ABCA3: variants seen among roughly 807,000 people sequenced by gnomAD.
The protein encoded by ABCA3 is phospholipid-transporting ATPase ABCA3.
A neutral mutation model predicts 172.8 loss-of-function variants in ABCA3; 88 were observed. The ratio of observed to expected loss-of-function variants is 0.51; its 90% CI spans 0.43 to 0.61. The LOEUF (loss-of-function observed/expected upper bound fraction) is 0.61, where lower values mean the gene tolerates loss of function less well. ABCA3 is among the 20% of genes least tolerant of loss of function. The pLI is 0.00. For synonymous variants in ABCA3, 1,066 were observed against 983.8 expected (o/e 1.08, Z -1.56); for missense variants, 2,164 against 2,301.0 (o/e 0.94, Z 1.22).
At position 2,308,427 on chromosome 16, in the gene ABCA3, G is replaced by C. The variant is rs373868493; in HGVS notation, c.1285+23C>G. On this transcript the variant is annotated intron_variant, in intron 11 of 32. Transcript: ENST00000301732. ...GAAGGTTACTGATTCGGAAAGAACA[G>C]GCTGGACAAGGCAAACACTCACCTT... The C allele has an allele frequency of 2.5e-5, 41 of 1,613,922 alleles. No individual in the cohort carries two copies. The African/African-American group carries it at 5.3e-4, about 21-fold the overall frequency.
At chr16:2,307,645 A>G (rs527529686) in intron 11 of ABCA3, among the ~76,000 whole-genome samples, 3 of 151,964 alleles carry the variant, frequency 2.0e-5, no homozygotes, top group Non-Finnish European at 2.9e-5. Context: ...GAGTCTTGTC[A>G]CCCAGGCTGG....
At chr16:2,340,353 G>A (rs916235873) in intron 1 of ABCA3, among the ~76,000 whole-genome samples, 3 of 151,928 alleles carry the variant, frequency 2.0e-5, no homozygotes, top group Non-Finnish European at 4.4e-5. Flanking sequence ...TGAGGGAGCG[G>A]CACCTGCAGG....
chr16:2,307,771 A>T (rs2093700170), intron 11 of ABCA3, among the ~76,000 whole-genome samples: 1 of 151,770 alleles, frequency 6.6e-6, no homozygotes, highest in Non-Finnish European at 1.5e-5. Flanking sequence ...ACGCCCGGCT[A>T]ATTTTTTGTG....
chr16:2,299,578 G>T (rs763017036), intron 13 of ABCA3, 46 bp from the exon 14 acceptor site: 1 of 1,608,632 alleles, frequency 6.2e-7, no homozygotes, highest in East Asian at 2.2e-5. Context: ...CAGCCCCGAG[G>T]CCCACGGCCA....
intron 1 of ABCA3, among the ~76,000 whole-genome samples, chr16:2,337,083 T>TA (rs2093753049): frequency 6.6e-6 from 1 of 151,614 alleles, no homozygotes; most frequent in East Asian, 1.9e-4. Context: ...TGGCTATTTT[T>TA]TTTTTTTTTT....
At chr16:2,323,368 C>T (rs1036240192) in intron 7 of ABCA3, 155 bp downstream of exon 7, 31 of 918,008 alleles carry the variant, frequency 3.4e-5, no homozygotes, top group Middle Eastern at 3.3e-4. Flanking sequence ...ATGTTTATTG[C>T]GGCACTATTC....
chr16:2,279,671 G>C lies in ABCA3; in HGVS notation c.4360-541C>G, dbSNP rs542177761. 2.0e-4 allele frequency among the ~76,000 whole-genome samples: 30 copies of C among 152,188 alleles called. No individual in the cohort carries two copies. The highest frequency in any genetic ancestry group is 3.8e-4 in the Non-Finnish European group (26 of 68,012). On this transcript the variant is annotated intron_variant, in intron 28 of 32. Coordinates refer to ENST00000301732, the MANE Select transcript of ABCA3 (RefSeq NM_001089.3). The surrounding 1 kb of genome is among the most constrained non-coding windows in gnomAD (Gnocchi z 4.4). ...AGCTGGTCGGGGGCAGGAGTGCCTG[G>C]GTTCTGTGGATTCCAGAGACTGGAT...
chr16:2,323,980 T>C (rs778036039), intron 6 of ABCA3, among the ~76,000 whole-genome samples: 14 of 152,174 alleles, frequency 9.2e-5, no homozygotes, highest in Non-Finnish European at 1.9e-4. Context: ...ACCACAATGC[T>C]AGATGGACTT....
chr16:2,337,443 T>C (rs1012570322), intron 1 of ABCA3, among the ~76,000 whole-genome samples: 3 of 151,372 alleles, frequency 2.0e-5, no homozygotes, highest in Admixed American at 1.3e-4. Context: ...GGTGTGATCA[T>C]GGCTCACTGT....
chr16:2,317,808 C>A (rs766263072), intron 8 of ABCA3, 44 bp from the exon 9 acceptor site: 2 of 1,575,166 alleles, frequency 1.3e-6, no homozygotes, highest in South Asian at 1.1e-5. Context: ...CGTCACTGCC[C>A]GCCATGATGG....
At chr16:2,326,582 C>T (rs2093734810) in intron 3 of ABCA3, 90 bp from the exon 4 acceptor site, 2 of 1,351,636 alleles carry the variant, frequency 1.5e-6, no homozygotes, top group Non-Finnish European at 2.1e-6. Flanking sequence ...CCTTTTTCCT[C>T]CATGTCTCTC....
Position 2,295,650 on chromosome 16 carries a change from G to T in ABCA3, c.2354C>A (p.Thr785Lys), listed in dbSNP as rs371756212. 6 of 1,613,940 alleles carry T rather than the reference G, an allele frequency of 3.7e-6. No individual in the cohort carries two copies. The African/African-American group carries it at 8.0e-5, about 22-fold the overall frequency. The change falls in exon 18 of 33, where the codon ACG becomes AAG. Residue 785 changes from threonine to lysine, a missense_variant. Around this residue, in one of 3 missense-constraint regions of ABCA3, gnomAD observed 1,343 missense variants for 1,369.6 expected, o/e 0.98. Transcript: ENST00000301732. ...QLVHHHVPNA[T>K]LESSAGAELS... is the part of the protein sequence containing the mutation. ...CTCGGCCCCAGCGCTGCTCTCCAGC[G>T]TGGCGTTGGGCACGTGGTGGTGGAC...
intron 10 of ABCA3, among the ~76,000 whole-genome samples, chr16:2,313,975 A>G (rs1184935626): frequency 5.9e-5 from 9 of 152,150 alleles, no homozygotes; most frequent in Non-Finnish European, 1.0e-4. Flanking sequence ...ATAAAAAACA[A>G]TCAATCAGAA....
intron 18 of ABCA3, 150 bp downstream of exon 18, chr16:2,295,440 G>T (rs758148491): frequency 1.2e-5 from 14 of 1,214,346 alleles, no homozygotes; most frequent in Non-Finnish European, 1.7e-5. Flanking sequence ...GATTCATCTG[G>T]GCTGATGGTG....
chr16:2,307,221 G>A (rs964607186), intron 11 of ABCA3, among the ~76,000 whole-genome samples: 8 of 151,986 alleles, frequency 5.3e-5, no homozygotes, highest in African/African-American at 1.9e-4. Context: ...CTGGGAAGAT[G>A]CTAATTCTAC....
In ABCA3 at chr16:2,319,682, C is replaced by T. The variant is rs775567102; in HGVS notation, c.772G>A (p.Ala258Thr). 6.2e-7 allele frequency: 1 copy of T among 1,613,842 alleles called. No individual in the cohort carries two copies. Among genetic ancestry groups the T allele is most frequent in the Non-Finnish European group, 8.5e-7 (1 of 1,179,988 alleles). ...PPFIADPFLV[A>T]IQYQLPLLLL... ...AGCAGGGGCAGCTGGTACTGGATGGCCACGAGGAAGGGGTCTGCGATGAAC... is the reference window on the plus strand; with the variant it reads ...AGCAGGGGCAGCTGGTACTGGATGGTCACGAGGAAGGGGTCTGCGATGAAC... Residue 258 changes from alanine (A) to threonine (T), a missense_variant, in exon 8 of 33, where the codon GCC (alanine) becomes ACC (threonine). Transcript: ENST00000301732.
In ABCA3 at chr16:2,278,657, G is replaced by A. The variant is rs1475035345; in HGVS notation, c.4548-199C>T. Among the ~76,000 whole-genome samples the A allele has an allele frequency of 6.6e-6, 1 of 152,204 alleles. No homozygotes were observed. Among genetic ancestry groups the A allele is most frequent in the African/African-American group, 2.4e-5 (1 of 41,450 alleles). On this transcript the variant is annotated intron_variant, in intron 29 of 32. Coordinates refer to ENST00000301732, the MANE Select transcript of ABCA3 (RefSeq NM_001089.3). The surrounding 1 kb of genome is among the most constrained non-coding windows in gnomAD (Gnocchi z 4.4). ...AGGCCCCAGAGAAGGCTGTTCCCAG[G>A]GGCCCGGTGCACGCACCTACATGGG...
chr16:2,288,872 AG>A (rs1249708254), intron 20 of ABCA3, among the ~76,000 whole-genome samples: 1 of 152,110 alleles, frequency 6.6e-6, no homozygotes, highest in East Asian at 1.9e-4. Flanking sequence ...GTCTCAGGAC[AG>A]TAGAGGACCA....
Position 2,277,672 on chromosome 16 carries a change from T to C in ABCA3, c.4910-2A>G. On this transcript the variant is annotated splice_acceptor_variant, in intron 31 of 32. Coordinates refer to ENST00000301732, the MANE Select transcript of ABCA3 (RefSeq NM_001089.3). LOFTEE classifies it high-confidence loss of function. This position sits in a 1 kb window ranked among gnomAD's most constrained non-coding sequence, Gnocchi z 5.3. ...GGTGCTCATCTTCCAGGACGCTGCC[T>C]GCACAAAGGAGAGACGGTGTTGCTG... 1 of 1,613,162 alleles carries C rather than the reference T, an allele frequency of 6.2e-7. No homozygotes were observed. Among genetic ancestry groups the C allele is most frequent in the Non-Finnish European group, 8.5e-7 (1 of 1,180,000 alleles).
Sources: gnomAD v4.1 joint callset for allele counts (sites outside exome capture counted in the v4.1 genomes callset) on GRCh38, gnomAD v4.1.1 for gene constraint, gnomAD v4.1.1 regional missense constraint, Gnocchi (gnomAD v3.1) non-coding constraint, MANE v1.5 for transcripts, NCBI Gene and HGNC (gene_info 2026-07-23, HGNC 2026-07-21) for gene names.